THSD7B: variants seen among roughly 807,000 people sequenced by gnomAD.
The protein encoded by THSD7B is thrombospondin type-1 domain-containing protein 7B.
Under a neutral mutation model 213.6 loss-of-function variants are expected in THSD7B, and 138 were observed. The observed-to-expected ratio is 0.65, with a 90% CI of 0.56 to 0.74. The LOEUF (loss-of-function observed/expected upper bound fraction) is 0.74, where lower values mean the gene tolerates loss of function less well. Among genes scored for constraint, THSD7B ranks in the 30% least tolerant of loss-of-function variants. The pLI, the probability that THSD7B is intolerant of heterozygous loss-of-function variation, is 0.00. For synonymous variants in THSD7B, 742 were observed against 687.0 expected, an observed-to-expected ratio of 1.08 and a Z score of -1.25; for missense variants, 1,931 against 1,991.5, an observed-to-expected ratio of 0.97 and a Z score of 0.58.
intron 12 of THSD7B, among the ~76,000 whole-genome samples, chr2:137,369,338 GA>G (rs1685494088): frequency 1.3e-5 from 2 of 151,978 alleles, no homozygotes; most frequent in South Asian, 2.1e-4. Flanking sequence ...CTTTCAAATT[GA>G]TTTCTGGCAT....
At chr2:137,195,251 T>C (rs73960920) in intron 7 of THSD7B, among the ~76,000 whole-genome samples, 222 of 150,094 alleles carry the variant, frequency 1.5e-3, no homozygotes, top group African/African-American at 3.9e-3. Context: ...TATATATATA[T>C]ACACACACAC....
intron 15 of THSD7B, among the ~76,000 whole-genome samples, chr2:137,498,127 G>T (rs953482942): frequency 3.3e-5 from 5 of 152,126 alleles, no homozygotes; most frequent in African/African-American, 7.2e-5. Flanking sequence ...TAAATTTGGT[G>T]ATTTCTAGTG....
In THSD7B at chr2:137,135,234, A is replaced by G. The variant is rs536660758; in HGVS notation, c.1369+19941A>G. On this transcript the variant is annotated intron_variant, in intron 5 of 27. Transcript: ENST00000409968. ...TTCTTTTACTAATTTTTCTTAACAT[A>G]AAGTTTTCAAGTGTTCCTTCCATTC... is the stretch of plus-strand genomic sequence containing the variant. 2.5e-4 allele frequency among the ~76,000 whole-genome samples: 38 copies of G among 152,190 alleles called. 1 individual carries two copies. Among genetic ancestry groups the G allele is most frequent in the Non-Finnish European group, 7.3e-5 (5 of 68,032 alleles).
At chr2:137,592,683 T>G (rs1389121997) in intron 17 of THSD7B, among the ~76,000 whole-genome samples, 1 of 151,962 alleles carries the variant, frequency 6.6e-6, no homozygotes, top group African/African-American at 2.4e-5. Context: ...TCTGTTTCAA[T>G]TCTAGGAAAT....
chr2:136,952,329 A>G (rs914236322), intron 2 of THSD7B, among the ~76,000 whole-genome samples: 13 of 152,084 alleles, frequency 8.5e-5, no homozygotes, highest in Admixed American at 7.2e-4. Flanking sequence ...AATTGTTTCA[A>G]TGGGATTCTT....
In THSD7B at chr2:137,114,999, C is replaced by T. The variant is rs574128629; in HGVS notation, c.1200-125C>T. ...ATTCAAAGCTAGTATACTTCTTTAT[C>T]CACAGGCAAAGATTTGGCCCTAGAA... is the stretch of plus-strand genomic sequence containing the variant. On this transcript the variant is annotated intron_variant, in intron 4 of 27. Coordinates refer to ENST00000409968, the MANE Select transcript of THSD7B (RefSeq NM_001316349.2). 7.6e-4 allele frequency: 761 copies of T among 1,001,398 alleles called. 15 individuals are homozygous for T. The South Asian group carries it at 0.012, about 15-fold the overall frequency. The allele number at this position is 1,001,398 out of a possible 1,614,324, so 62.0% of individuals were successfully genotyped here.
At chr2:137,388,249 C>T (rs977818501) in intron 12 of THSD7B, among the ~76,000 whole-genome samples, 2 of 151,886 alleles carry the variant, frequency 1.3e-5, no homozygotes, top group Non-Finnish European at 2.9e-5. Flanking sequence ...AGCAATTTAT[C>T]TGTATCAGTT....
At chr2:136,822,172 A>G (rs1682574338) in intron 1 of THSD7B, among the ~76,000 whole-genome samples, 1 of 152,174 alleles carries the variant, frequency 6.6e-6, no homozygotes, top group Admixed American at 6.5e-5. Flanking sequence ...TGAATGAAGT[A>G]GAGACTAATG....
At chr2:137,078,917 G>T (rs368178667) in intron 3 of THSD7B, among the ~76,000 whole-genome samples, 1 of 151,888 alleles carries the variant, frequency 6.6e-6, no homozygotes, top group Non-Finnish European at 1.5e-5. Flanking sequence ...TATTTTGTTT[G>T]TTTTCATTTT....
At chr2:137,461,935 T>C (rs942815906) in intron 15 of THSD7B, among the ~76,000 whole-genome samples, 1 of 152,166 alleles carries the variant, frequency 6.6e-6, no homozygotes, top group African/African-American at 2.4e-5. Context: ...GTATCAAATA[T>C]GGTGTCTGTT....
intron 24 of THSD7B, among the ~76,000 whole-genome samples, chr2:137,658,364 C>T (rs1382786230): frequency 6.6e-6 from 1 of 152,176 alleles, no homozygotes; most frequent in African/African-American, 2.4e-5. Flanking sequence ...GCACGGAATT[C>T]CTCAGGCACA....
intron 12 of THSD7B, among the ~76,000 whole-genome samples, chr2:137,387,468 GACA>G (rs900321206): frequency 1.3e-5 from 2 of 152,248 alleles, no homozygotes; most frequent in East Asian, 1.9e-4. Flanking sequence ...CTCTAGTAAA[GACA>G]ACAATATTCC....
At chr2:137,491,361 G>A (rs570358150) in intron 15 of THSD7B, among the ~76,000 whole-genome samples, 5 of 152,294 alleles carry the variant, frequency 3.3e-5, no homozygotes, top group African/African-American at 9.6e-5. Flanking sequence ...TATAGGTGTG[G>A]CCAACGTTTT....
At chr2:136,827,567 G>A (rs1245540716) in intron 1 of THSD7B, among the ~76,000 whole-genome samples, 1 of 152,140 alleles carries the variant, frequency 6.6e-6, no homozygotes, top group Non-Finnish European at 1.5e-5. Context: ...TGAAAATGGG[G>A]TGATGAGGGG....
intron 7 of THSD7B, among the ~76,000 whole-genome samples, chr2:137,191,631 C>G (rs551858857): frequency 6.6e-6 from 1 of 152,070 alleles, no homozygotes; most frequent in Non-Finnish European, 1.5e-5. Flanking sequence ...ATACCCTAGA[C>G]CATGGCCCCA....
intron 1 of THSD7B, among the ~76,000 whole-genome samples, chr2:136,876,711 C>T (rs1683530955): frequency 6.6e-6 from 1 of 152,174 alleles, no homozygotes; most frequent in Non-Finnish European, 1.5e-5. Flanking sequence ...AATGTCTCAT[C>T]TATTGGGCCA....
chr2:137,458,519 C>T (rs1438477833), intron 15 of THSD7B, among the ~76,000 whole-genome samples: 1 of 152,132 alleles, frequency 6.6e-6, no homozygotes, highest in Non-Finnish European at 1.5e-5. Flanking sequence ...ATTGATAGCT[C>T]TGCTTTTGTC....
chr2:136,947,945 A>G (rs1684972033), intron 2 of THSD7B, among the ~76,000 whole-genome samples: 1 of 152,164 alleles, frequency 6.6e-6, no homozygotes, highest in African/African-American at 2.4e-5. Flanking sequence ...TCCTGCAGAC[A>G]CTTCACACTG....
At chr2:137,585,325 T>A (rs541179464) in intron 17 of THSD7B, among the ~76,000 whole-genome samples, 1 of 152,180 alleles carries the variant, frequency 6.6e-6, no homozygotes, top group South Asian at 2.1e-4. Flanking sequence ...AAAGGTTTTT[T>A]TGTCTCTATC....
Sources: allele counts gnomAD v4.1 joint callset (sites outside exome capture counted in the v4.1 genomes callset), GRCh38; gene constraint gnomAD v4.1.1; transcripts MANE v1.5; gene names NCBI Gene and HGNC (gene_info 2026-07-23, HGNC 2026-07-21).